Variants in MELK observed in about 807,000 individuals in gnomAD.
MELK encodes pEg3 kinase.
A neutral mutation model predicts 85.0 loss-of-function variants in MELK; 81 were observed. The observed-to-expected ratio is 0.95, with a 90% CI of 0.80 to 1.15. MELK has a LOEUF of 1.15. MELK is among the 50% of genes most tolerant of loss of function. MELK has a pLI of 0.00. For missense variants in MELK, 754 were observed against 777.5 expected (o/e 0.97, Z 0.36); for synonymous variants, 252 against 265.0 (o/e 0.95, Z 0.48).
intron 8 of MELK, among the ~76,000 whole-genome samples, chr9:36,625,081 C>T (rs1827805107): frequency 6.6e-6 from 1 of 152,114 alleles, no homozygotes; most frequent in Non-Finnish European, 1.5e-5. Flanking sequence ...TACTGTTCAA[C>T]CCAGTACAGA....
chr9:36,600,999 A>G (rs1247609578), intron 7 of MELK, among the ~76,000 whole-genome samples: 1 of 152,026 alleles, frequency 6.6e-6, no homozygotes, highest in African/African-American at 2.4e-5. Flanking sequence ...TTGCTTTATC[A>G]TTCTCTATGT....
At chr9:36,599,878 G>A (rs1824729127) in intron 7 of MELK, among the ~76,000 whole-genome samples, 1 of 152,182 alleles carries the variant, frequency 6.6e-6, no homozygotes, top group African/African-American at 2.4e-5. Flanking sequence ...AAGGCCAGCA[G>A]CCCTGTGTAG....
At chr9:36,669,446 T>C (rs1261563397) in intron 15 of MELK, 40 bp downstream of exon 15, 1 of 1,386,798 alleles carries the variant, frequency 7.2e-7, no homozygotes. Context: ...CTTTAGTATA[T>C]GTAACCAGAT....
At chr9:36,632,132 A>G (rs1828697933) in intron 9 of MELK, among the ~76,000 whole-genome samples, 2 of 152,222 alleles carry the variant, frequency 1.3e-5, no homozygotes, top group South Asian at 2.1e-4. Context: ...CTCCAGCCCC[A>G]GAGTGTGTAA....
chr9:36,573,965 TA>T (rs1352856176), intron 1 of MELK, among the ~76,000 whole-genome samples: 2 of 152,138 alleles, frequency 1.3e-5, no homozygotes, highest in East Asian at 3.8e-4. Context: ...GACGGGTAAT[TA>T]CCTTTGGTAT....
chr9:36,647,643 C>T (rs985096665), intron 11 of MELK, among the ~76,000 whole-genome samples: 1 of 152,102 alleles, frequency 6.6e-6, no homozygotes, highest in Non-Finnish European at 1.5e-5. Flanking sequence ...CGCCTGCCAC[C>T]ACACCCAGCT....
In MELK at chr9:36,674,804, A is replaced by C. The variant is rs769925540; in HGVS notation, c.1675-30A>C. ...GGTCTTTGTGTTGATGTAAAAATTT[A>C]CTTCTCATCTCTTCTTTTTCTTTTC... On this transcript the variant is annotated intron_variant, in intron 16 of 17. Transcript: ENST00000298048. 15 of 1,361,650 alleles carry C rather than the reference A, an allele frequency of 1.1e-5. No individual in the cohort carries two copies. The East Asian group carries it at 3.4e-4, about 31-fold the overall frequency. The allele number at this position is 1,361,650 out of a possible 1,614,324, so 84.3% of individuals were successfully genotyped here.
intron 3 of MELK, among the ~76,000 whole-genome samples, chr9:36,587,849 C>T (rs1171411316): frequency 2.6e-5 from 4 of 151,624 alleles, no homozygotes; most frequent in African/African-American, 9.7e-5. Flanking sequence ...ATCTCGGCCA[C>T]TCCCAGGTTC....
At chr9:36,642,148 G>A (rs75661094) in intron 10 of MELK, among the ~76,000 whole-genome samples, 291 of 152,146 alleles carry the variant, frequency 1.9e-3, no homozygotes, top group African/African-American at 6.7e-3. Context: ...TTGTATAGAG[G>A]CTCTTACTTA....
At chr9:36,660,050 C>T (rs1831638017) in intron 13 of MELK, among the ~76,000 whole-genome samples, 1 of 152,160 alleles carries the variant, frequency 6.6e-6, no homozygotes, top group Admixed American at 6.5e-5. Context: ...CCACCTGCCT[C>T]AGCCTCCCAA....
intron 4 of MELK, 134 bp downstream of exon 4, chr9:36,589,786 A>C: frequency 1.6e-6 from 1 of 628,358 alleles, no homozygotes; most frequent in East Asian, 2.8e-5. Context: ...GTAACAATTT[A>C]GATTAAATAG....
In MELK at chr9:36,665,595, G is replaced by A; in HGVS notation, c.1408+14G>A. 1 of 1,571,282 alleles carries A rather than the reference G, an allele frequency of 6.4e-7. No individual in the cohort carries two copies. The highest frequency in any genetic ancestry group is 8.7e-7 in the Non-Finnish European group (1 of 1,149,102). On this transcript the variant is annotated intron_variant, in intron 14 of 17. Transcript: ENST00000298048. ...CACCCTCAAAAGGTATTTGCTAAGT[G>A]AATTAAGCAGTAAGAAGTTTCATTT...
intron 8 of MELK, among the ~76,000 whole-genome samples, chr9:36,625,422 G>T (rs890626938): frequency 2.0e-5 from 3 of 152,166 alleles, no homozygotes; most frequent in African/African-American, 7.2e-5. Context: ...CGAGAGTGGG[G>T]CCAAGTAGGT....
intron 1 of MELK, among the ~76,000 whole-genome samples, chr9:36,573,960 G>A (rs1821370800): frequency 6.6e-6 from 1 of 152,140 alleles, no homozygotes; most frequent in African/African-American, 2.4e-5. Context: ...CTTAGGACGG[G>A]TAATTACCTT....
At chr9:36,669,238 A>G in intron 14 of MELK, 72 bp from the exon 15 acceptor site, 1 of 957,784 alleles carries the variant, frequency 1.0e-6, no homozygotes, top group Non-Finnish European at 1.6e-6. Flanking sequence ...TACCTGCATT[A>G]TTATTAATAA....
chr9:36,585,788 T>C (rs2135172956), intron 3 of MELK, among the ~76,000 whole-genome samples: 1 of 151,446 alleles, frequency 6.6e-6, no homozygotes, highest in East Asian at 2.0e-4. Context: ...ATAAAAAAAA[T>C]TTAGCCAGGT....
chr9:36,614,109 T>TG (rs949258504), intron 8 of MELK, among the ~76,000 whole-genome samples: 3 of 151,610 alleles, frequency 2.0e-5, no homozygotes, highest in African/African-American at 7.3e-5. Context: ...CTTTTTTTTT[T>TG]TTTTTGAGAC....
At chr9:36,672,220 A>G (rs1440319002) in intron 16 of MELK, among the ~76,000 whole-genome samples, 1 of 152,150 alleles carries the variant, frequency 6.6e-6, no homozygotes, top group African/African-American at 2.4e-5. Context: ...GAACTTTTGT[A>G]GTGTGCTGAG....
At chr9:36,631,907 C>T (rs142044297) in intron 9 of MELK, among the ~76,000 whole-genome samples, 52 of 152,172 alleles carry the variant, frequency 3.4e-4, no homozygotes, top group African/African-American at 1.2e-3. Flanking sequence ...AGCGTTCTGC[C>T]TGTCTTGATC....
Sources: gnomAD v4.1 joint callset for allele counts (sites outside exome capture counted in the v4.1 genomes callset) on GRCh38, gnomAD v4.1.1 for gene constraint, MANE v1.5 for transcripts, NCBI Gene and HGNC (gene_info 2026-07-23, HGNC 2026-07-21) for gene names.